The following SPAG16 variants were observed in gnomAD, a reference collection of about 807,000 sequenced individuals.
The protein encoded by SPAG16 is sperm associated antigen 16.
SPAG16 carries 86 observed loss-of-function variants against 80.4 expected under a neutral mutation model. That is an observed-to-expected ratio of 1.07 (90% CI 0.90 to 1.28). The LOEUF is 1.28. Among genes scored for constraint, SPAG16 ranks in the 50% most tolerant of loss-of-function variants. The pLI is 0.00. For missense variants in SPAG16, 870 were observed against 765.3 expected, an observed-to-expected ratio of 1.14 and a Z score of -1.61; for synonymous variants, 294 against 265.9, an observed-to-expected ratio of 1.11 and a Z score of -1.03.
intron 12 of SPAG16, among the ~76,000 whole-genome samples, chr2:213,947,579 A>G (rs1181445399): frequency 6.6e-6 from 1 of 152,102 alleles, no homozygotes; most frequent in Non-Finnish European, 1.5e-5. Context: ...TGCCCTGTGT[A>G]TTCTGGATAT....
chr2:213,299,150 T>G (rs921125274), intron 3 of SPAG16, among the ~76,000 whole-genome samples: 2 of 152,178 alleles, frequency 1.3e-5, no homozygotes, highest in Non-Finnish European at 2.9e-5. Context: ...TCTTAAAATT[T>G]TCATTGAAGA....
intron 14 of SPAG16, among the ~76,000 whole-genome samples, chr2:214,144,527 C>T (rs993472116): frequency 2.0e-5 from 3 of 152,084 alleles, no homozygotes; most frequent in African/African-American, 7.2e-5. Flanking sequence ...TTCTAGGTCA[C>T]TAGAATGTAC....
intron 15 of SPAG16, among the ~76,000 whole-genome samples, chr2:214,154,306 A>G (rs2056114827): frequency 6.6e-6 from 1 of 152,116 alleles, no homozygotes; most frequent in African/African-American, 2.4e-5. Flanking sequence ...AAGAAGTCAC[A>G]TCCTAAGTCC....
chr2:213,322,231 TATAA>T (rs766063277), intron 5 of SPAG16, among the ~76,000 whole-genome samples: 261 of 151,408 alleles, frequency 1.7e-3, no homozygotes, highest in Non-Finnish European at 2.9e-3. Flanking sequence ...GTCTGAAGTT[TATAA>T]ATAACTATTA....
In SPAG16 at chr2:213,688,913, A is replaced by T. The variant is rs147430280; in HGVS notation, c.1071-173572A>T. 7.6e-3 allele frequency among the ~76,000 whole-genome samples: 1,163 copies of T among 152,074 alleles called. 13 individuals carry two copies. Among genetic ancestry groups the T allele is most frequent in the Middle Eastern group, 0.024 (7 of 294 alleles). ...TCCCTGTTTCTTCTTAACCTATTTA[A>T]TCTTTCCTCTCATTTTTTGAACATA... On this transcript the variant is annotated intron_variant, in intron 10 of 15. Coordinates refer to ENST00000331683, the MANE Select transcript of SPAG16 (RefSeq NM_024532.5).
chr2:213,722,762 G>A (rs545781157), intron 10 of SPAG16, among the ~76,000 whole-genome samples: 1 of 152,278 alleles, frequency 6.6e-6, no homozygotes, highest in Non-Finnish European at 1.5e-5. Context: ...GTCAGTGAAA[G>A]TGGATGACAT....
intron 11 of SPAG16, among the ~76,000 whole-genome samples, chr2:213,892,384 T>C (rs1356525807): frequency 6.6e-6 from 1 of 152,052 alleles, no homozygotes; most frequent in Non-Finnish European, 1.5e-5. Flanking sequence ...ACCTAATCTT[T>C]CAATGCAAAG....
At chr2:213,879,624 G>A (rs2076271475) in intron 11 of SPAG16, among the ~76,000 whole-genome samples, 1 of 151,926 alleles carries the variant, frequency 6.6e-6, no homozygotes, top group Non-Finnish European at 1.5e-5. Flanking sequence ...TTCAAACCAT[G>A]ACCTTCTCCC....
intron 10 of SPAG16, among the ~76,000 whole-genome samples, chr2:213,725,261 T>A (rs2125406259): frequency 6.6e-6 from 1 of 152,284 alleles, no homozygotes; most frequent in Middle Eastern, 3.4e-3. Flanking sequence ...TGAGCTCAAG[T>A]GATCCAGCTG....
chr2:213,477,760 A>T (rs1219089540), intron 9 of SPAG16, among the ~76,000 whole-genome samples: 3 of 152,002 alleles, frequency 2.0e-5, no homozygotes, highest in African/African-American at 7.3e-5. Context: ...TTGGACTTGG[A>T]CTCTTGAGTT....
At chr2:213,632,361 G>A (rs530248354) in intron 10 of SPAG16, among the ~76,000 whole-genome samples, 4 of 152,040 alleles carry the variant, frequency 2.6e-5, no homozygotes, top group African/African-American at 7.2e-5. Context: ...AGTTCTAATA[G>A]TTTTCTTGTG....
At chr2:213,463,467 C>T (rs1018376831) in intron 9 of SPAG16, among the ~76,000 whole-genome samples, 3 of 152,316 alleles carry the variant, frequency 2.0e-5, no homozygotes, top group South Asian at 2.1e-4. Context: ...TTTCATTGAC[C>T]GGGCCCAGGG....
At chr2:213,693,205 C>T (rs1042245590) in intron 10 of SPAG16, among the ~76,000 whole-genome samples, 31 of 152,232 alleles carry the variant, frequency 2.0e-4, no homozygotes, top group Admixed American at 1.9e-3. Flanking sequence ...TTTATCAGTT[C>T]TCATGCTCAA....
intron 15 of SPAG16, among the ~76,000 whole-genome samples, chr2:214,228,738 GC>G (rs1213648541): frequency 6.6e-6 from 1 of 151,774 alleles, no homozygotes; most frequent in Non-Finnish European, 1.5e-5. Context: ...CTCCTATTGA[GC>G]TTTTATCTCT....
At chr2:214,405,449 C>T (rs781404339) in intron 15 of SPAG16, among the ~76,000 whole-genome samples, 8 of 152,146 alleles carry the variant, frequency 5.3e-5, no homozygotes, top group Non-Finnish European at 1.0e-4. Flanking sequence ...GAAAGAAATT[C>T]TAAAGCCAGT....
intron 13 of SPAG16, among the ~76,000 whole-genome samples, chr2:214,040,085 G>A (rs1324026351): frequency 6.6e-6 from 1 of 152,156 alleles, no homozygotes; most frequent in Non-Finnish European, 1.5e-5. Context: ...ATATCTTAAA[G>A]GGCCAAGCTT....
intron 15 of SPAG16, among the ~76,000 whole-genome samples, chr2:214,264,082 G>T (rs1691370988): frequency 6.6e-6 from 1 of 152,058 alleles, no homozygotes; most frequent in South Asian, 2.1e-4. Flanking sequence ...AAATCTGTGT[G>T]GCTGTCTGGA....
intron 11 of SPAG16, among the ~76,000 whole-genome samples, chr2:213,885,928 C>T (rs774570610): frequency 1.6e-4 from 25 of 152,124 alleles, no homozygotes; most frequent in Non-Finnish European, 2.4e-4. Context: ...TTTACATGAC[C>T]TGGAAGTCTT....
At chr2:213,795,708 C>G (rs891013843) in intron 10 of SPAG16, among the ~76,000 whole-genome samples, 1 of 152,154 alleles carries the variant, frequency 6.6e-6, no homozygotes, top group Non-Finnish European at 1.5e-5. Context: ...CCCCTCAGTG[C>G]TGTTCTCATG....
Sources: gnomAD v4.1 joint callset for allele counts (sites outside exome capture counted in the v4.1 genomes callset) on GRCh38, gnomAD v4.1.1 for gene constraint, MANE v1.5 for transcripts, NCBI Gene and HGNC (gene_info 2026-07-23, HGNC 2026-07-21) for gene names.